The following TONSL variants were observed in gnomAD, a reference collection of about 807,000 sequenced individuals.
TONSL encodes tonsoku-like protein.
TONSL carries 112 observed loss-of-function variants against 147.1 expected under a neutral mutation model. The ratio of observed to expected loss-of-function variants is 0.76; its 90% CI spans 0.65 to 0.89. The LOEUF is 0.89. TONSL is among the 40% of genes least tolerant of loss of function. The pLI, the probability that TONSL is intolerant of heterozygous loss-of-function variation, is 0.00. For missense variants in TONSL, 1,883 were observed against 1,864.6 expected, an observed-to-expected ratio of 1.01 and a Z score of -0.18; for synonymous variants, 868 against 801.5, an observed-to-expected ratio of 1.08 and a Z score of -1.40.
At position 144,434,053 on chromosome 8, in the gene TONSL, G is replaced by A. The variant is rs1823331922; in HGVS notation, c.3312C>T (p.Asp1104=). The A allele has an allele frequency of 2.5e-6, 4 of 1,611,994 alleles. No homozygotes were observed. Among genetic ancestry groups the A allele is most frequent in the Admixed American group, 1.7e-5 (1 of 59,906 alleles). The change falls in exon 21 of 26, where the codon GAC becomes GAT. Residue 1104 remains aspartate, a synonymous_variant. Coordinates refer to ENST00000409379, the MANE Select transcript of TONSL (RefSeq NM_013432.5). ...LGTMPSLALL[D]LSSNHLGPEG... ...CGGGACCCAGGTGATTGGAGGAGAGGTCAAGGAGGGCCAGGCTGGGCATGG... is the reference window on the plus strand; with the variant it reads ...CGGGACCCAGGTGATTGGAGGAGAGATCAAGGAGGGCCAGGCTGGGCATGG...
In TONSL at chr8:144,440,399, G is replaced by A; in HGVS notation, c.1242C>T (p.Phe414=). ...GCTGGGCACAGCTGAGCGCTTTCTG[G>A]AAGCACGGGGCCAGCAGCTCGTAGG... is the stretch of plus-strand genomic sequence containing the variant. ...GDAYELLAPC[F]QKALSCAQQA... Residue 414 remains phenylalanine, a synonymous_variant, in exon 10 of 26, where the codon TTC becomes TTT. Transcript: ENST00000409379. 6.2e-7 allele frequency: 1 copy of A among 1,608,050 alleles called. No homozygotes were observed. Among genetic ancestry groups the A allele is most frequent in the Non-Finnish European group, 8.5e-7 (1 of 1,176,734 alleles).
Position 144,436,649 on chromosome 8 carries a change from C to T in TONSL, c.1923G>A (p.Trp641Ter). 6.2e-7 allele frequency: 1 copy of T among 1,612,308 alleles called. No individual in the cohort carries two copies. Among genetic ancestry groups the T allele is most frequent in the South Asian group, 1.1e-5 (1 of 91,088 alleles). The change falls in exon 16 of 26, where the codon TGG becomes TGA. Residue 641 changes from tryptophan (W) to a stop codon, truncating the protein, a stop_gained. Coordinates refer to ENST00000409379, the MANE Select transcript of TONSL (RefSeq NM_013432.5). LOFTEE classifies it high-confidence loss of function. The part of the protein sequence containing the change: ...GLSPLETLQQ[W>*]VKLYRRDLDL... ...CCAGGTCCCTGCGGTACAGCTTCAC[C>T]CACTGCTGCAGCGTCTCCAGCGGGC...
intron 24 of TONSL, 116 bp from the exon 25 acceptor site, chr8:144,430,653 C>T: frequency 7.6e-7 from 1 of 1,308,718 alleles, no homozygotes; most frequent in Non-Finnish European, 1.0e-6. Context: ...GACCCAGGGG[C>T]TCTGCCTCAG....
At position 144,443,254 on chromosome 8, in the gene TONSL, G is replaced by T. The variant is rs747497371; in HGVS notation, c.332C>A (p.Ala111Asp). ...GTCCAGGTGGGTGCGGCCGATGGTG[G>T]CCCAGGCCCTCTGCAGCTCCGTGTG... ...RNHTELQRAWATIGRTHLDIY... is the reference protein window; with the variant it reads ...RNHTELQRAWDTIGRTHLDIY... The change falls in exon 4 of 26, where the codon GCC becomes GAC. Residue 111 changes from alanine (A) to aspartate (D), a missense_variant. Ala to Asp is a moderately radical substitution (Grantham distance 126). Coordinates refer to ENST00000409379, the MANE Select transcript of TONSL (RefSeq NM_013432.5). 1.3e-6 allele frequency: 2 copies of T among 1,550,826 alleles called. No individual in the cohort carries two copies. The highest frequency in any genetic ancestry group is 2.4e-5 in the South Asian group (2 of 84,070).
At chr8:144,443,425 C>A in intron 3 of TONSL, 104 bp from the exon 4 acceptor site, 7 of 1,161,698 alleles carry the variant, frequency 6.0e-6, no homozygotes, top group Non-Finnish European at 8.4e-6. Context: ...AGAGCCTGCT[C>A]CCCCTAACCC....
chr8:144,437,793 A>T (rs1294470045), intron 13 of TONSL: 1 of 153,892 alleles, frequency 6.5e-6, no homozygotes, highest in Non-Finnish European at 1.4e-5. Flanking sequence ...TTTAGTAGAG[A>T]CAGGGTTTCA....
chr8:144,438,666 C>T lies in TONSL; in HGVS notation c.1550G>A (p.Arg517Gln), dbSNP rs759158029. 2.9e-5 allele frequency: 46 copies of T among 1,613,058 alleles called. No individual in the cohort carries two copies. The South Asian group carries it at 3.8e-4, about 13-fold the overall frequency. The change falls in exon 12 of 26, where the codon CGG (arginine) becomes CAG (glutamine). Residue 517 changes from arginine to glutamine, a missense_variant. Arg to Gln is a conservative substitution (Grantham distance 43). Coordinates refer to ENST00000409379, the MANE Select transcript of TONSL (RefSeq NM_013432.5). The stretch of plus-strand genomic sequence containing the variant: ...CACTGTCCTCACCTTGCTCCCCTTC[C>T]GCCGGCCCAGGTGGCCCTGAAGCTC... ...DEELQGHLGR[R>Q]KGSKWNRRND...
In TONSL at chr8:144,436,168, C is replaced by T. The variant is rs755424988; in HGVS notation, c.2265G>A (p.Pro755=). 2.2e-5 allele frequency: 35 copies of T among 1,573,634 alleles called. No individual in the cohort carries two copies. The highest frequency in any genetic ancestry group is 1.7e-4 in the Middle Eastern group (1 of 5,988). ...CCGAGCACCGAGGCCTCTTCTGGGA[C>T]GGCCGTGCGGGGCCTGCGCTGTCCT... The part of the protein sequence containing the change: ...EGEDSAGPAR[P]SQKRPRCSAT... The change falls in exon 17 of 26, where the codon CCG becomes CCA. Residue 755 remains proline (P), a synonymous_variant. Coordinates refer to ENST00000409379, the MANE Select transcript of TONSL (RefSeq NM_013432.5).
At chr8:144,433,543 T>TGCCCCA in intron 22 of TONSL, 45 bp downstream of exon 22, 1 of 1,584,700 alleles carries the variant, frequency 6.3e-7, no homozygotes, top group Non-Finnish European at 8.6e-7. Flanking sequence ...AAACCCTCAA[T>TGCCCCA]GCCCCAGGGC....
intron 1 of TONSL, 44 bp downstream of exon 1, chr8:144,444,346 C>T (rs1823829684): frequency 1.5e-6 from 2 of 1,293,302 alleles, no homozygotes; most frequent in Admixed American, 4.1e-5. Flanking sequence ...CAAGCCCTCC[C>T]CAGCCTCCGC....
chr8:144,432,257 A>G, intron 23 of TONSL, 28 bp downstream of exon 23: 2 of 1,609,434 alleles, frequency 1.2e-6, no homozygotes, highest in Non-Finnish European at 1.7e-6. Context: ...GAGGCTCAGT[A>G]TTTTCTGGGT....
chr8:144,432,119 C>A (rs1554878794), intron 23 of TONSL, among the ~76,000 whole-genome samples, 166 bp downstream of exon 23: 1 of 152,156 alleles, frequency 6.6e-6, no homozygotes, highest in Non-Finnish European at 1.5e-5. Context: ...AGCCACCGCG[C>A]CTGGCCCCCC....
chr8:144,429,325 G>A lies in TONSL; in HGVS notation c.3955C>T (p.Gln1319Ter). 6.9e-7 allele frequency: 1 copy of A among 1,453,014 alleles called. No individual in the cohort carries two copies. The highest frequency in any genetic ancestry group is 9.1e-7 in the Non-Finnish European group (1 of 1,099,304). 90.0% of individuals were successfully genotyped at this position (1,453,014 alleles called of 1,614,324 possible). A position where few individuals can be genotyped will look rare whatever the true frequency, so the allele number is the denominator to read the frequency against. ...SFLGLSGCAV[Q>*]GPLGLGLWDK... ...CACAGGCCCAGGCCCAGGGGACCCT[G>A]GACGGCGCAGCCTGCGGAGGGGAAG... The change falls in exon 26 of 26, where the codon CAG becomes TAG. Residue 1319 changes from glutamine (Q) to a stop codon, truncating the protein, a stop_gained. Transcript: ENST00000409379. LOFTEE classifies it low-confidence loss of function (END_TRUNC).
At chr8:144,429,420 C>G in intron 25 of TONSL, 84 bp from the exon 26 acceptor site, 1 of 1,280,258 alleles carries the variant, frequency 7.8e-7, no homozygotes, top group South Asian at 1.9e-5. Flanking sequence ...GGAACAAACT[C>G]GCTTTCGCTG....
intron 8 of TONSL, 24 bp downstream of exon 8, chr8:144,440,942 T>G: frequency 6.2e-7 from 1 of 1,612,688 alleles, no homozygotes. Flanking sequence ...GGCCCTTCCC[T>G]CCCACCCAGC....
At chr8:144,435,307 T>C in intron 18 of TONSL, 137 bp from the exon 19 acceptor site, 2 of 1,293,036 alleles carry the variant, frequency 1.5e-6, no homozygotes, top group South Asian at 1.6e-5. Context: ...CTCCTCTCCC[T>C]GCAGCCCAGC....
intron 18 of TONSL, 45 bp from the exon 19 acceptor site, chr8:144,435,215 G>C: frequency 6.9e-7 from 1 of 1,451,620 alleles, no homozygotes; most frequent in Non-Finnish European, 9.1e-7. Flanking sequence ...ACACAGCCGG[G>C]GTAATGCCCC....
chr8:144,435,169 T>C lies in TONSL; in HGVS notation c.2854A>G (p.Ser952Gly). 6.5e-7 allele frequency: 1 copy of C among 1,541,570 alleles called. No individual in the cohort carries two copies. ...AGCCAGGCCACAGAGTGGGTGTCAC[T>C]GCTGCAGGGACAGAGGCGCTGCTGC... ...HLFLIPVPHS[S>G]DTHSVAWLAE... is the part of the protein sequence containing the mutation. The change falls in exon 19 of 26, where the codon AGT becomes GGT. Residue 952 changes from serine to glycine, a missense_variant and splice_region_variant. Transcript: ENST00000409379.
At chr8:144,440,503 G>A in intron 9 of TONSL, 27 bp from the exon 10 acceptor site, 3 of 1,573,410 alleles carry the variant, frequency 1.9e-6, no homozygotes, top group South Asian at 2.3e-5. Context: ...GACAGGGTCG[G>A]GGGCTGCCGC....
Sources: gnomAD v4.1 joint callset for allele counts (sites outside exome capture counted in the v4.1 genomes callset) on GRCh38, gnomAD v4.1.1 for gene constraint, MANE v1.5 for transcripts, NCBI Gene and HGNC (gene_info 2026-07-23, HGNC 2026-07-21) for gene names.